MAGI2: variants seen among roughly 807,000 people sequenced by gnomAD.
MAGI2 encodes the protein membrane associated guanylate kinase, WW and PDZ domain containing 2.
MAGI2 carries 35 observed loss-of-function variants against 133.3 expected under a neutral mutation model. The ratio of observed to expected loss-of-function variants is 0.26; its 90% CI spans 0.20 to 0.35. The LOEUF is 0.35. Ranked by LOEUF, MAGI2 falls within the 10% of genes least tolerant of loss-of-function variation. The probability of loss-of-function intolerance (pLI) is 1.00; values close to 1 mark genes in which losing one functional copy is unlikely to be tolerated. For missense variants in MAGI2, 1,636 were observed against 1,863.4 expected (o/e 0.88, Z 2.25); for synonymous variants, 729 against 710.6 (o/e 1.03, Z -0.41).
intron 3 of MAGI2, among the ~76,000 whole-genome samples, chr7:78,538,290 G>GTC (rs1283865500): frequency 6.6e-6 from 1 of 152,152 alleles, no homozygotes; most frequent in East Asian, 1.9e-4. Flanking sequence ...TTTTTGCTTA[G>GTC]TCTCACTTTG....
At chr7:79,377,844 T>C (rs577923730) in intron 1 of MAGI2, among the ~76,000 whole-genome samples, 1 of 151,824 alleles carries the variant, frequency 6.6e-6, no homozygotes, top group African/African-American at 2.4e-5. Flanking sequence ...CTCATCAAAA[T>C]AATAGTATAT....
At chr7:78,570,417 A>C (rs1031785539) in intron 3 of MAGI2, among the ~76,000 whole-genome samples, 10 of 152,122 alleles carry the variant, frequency 6.6e-5, no homozygotes, top group Non-Finnish European at 2.9e-5. Context: ...TAATAAATGG[A>C]ATGAAGGAAG....
At chr7:79,148,032 C>T (rs1271751227) in intron 1 of MAGI2, among the ~76,000 whole-genome samples, 6 of 152,136 alleles carry the variant, frequency 3.9e-5, no homozygotes, top group Non-Finnish European at 7.3e-5. Flanking sequence ...CTGGAGCACA[C>T]GGAAGTGTTG....
intron 2 of MAGI2, among the ~76,000 whole-genome samples, chr7:78,897,599 G>T (rs527942287): frequency 6.6e-6 from 1 of 152,174 alleles, no homozygotes; most frequent in Non-Finnish European, 1.5e-5. Flanking sequence ...GCTTAGGATT[G>T]CCTTGGCTAT....
At chr7:78,783,618 T>A (rs375071954) in intron 2 of MAGI2, among the ~76,000 whole-genome samples, 1 of 152,182 alleles carries the variant, frequency 6.6e-6, no homozygotes, top group Non-Finnish European at 1.5e-5. Context: ...ATTTTCTCCA[T>A]TGGAAATCAA....
intron 6 of MAGI2, among the ~76,000 whole-genome samples, chr7:78,372,182 G>GA (rs1456986381): frequency 1.3e-5 from 2 of 151,968 alleles, no homozygotes; most frequent in Non-Finnish European, 2.9e-5. Context: ...GTATGCTAAT[G>GA]AAAAAACACA....
At chr7:79,013,187 C>T (rs1448207757) in intron 1 of MAGI2, among the ~76,000 whole-genome samples, 2 of 146,552 alleles carry the variant, frequency 1.4e-5, no homozygotes, top group Non-Finnish European at 3.0e-5. Flanking sequence ...AACAAGACAA[C>T]CAAATTATTT....
chr7:79,078,612 C>T (rs1243645283), intron 1 of MAGI2, among the ~76,000 whole-genome samples: 1 of 152,150 alleles, frequency 6.6e-6, no homozygotes, highest in Non-Finnish European at 1.5e-5. Flanking sequence ...AGTTACCTGA[C>T]ATTTATTTTA....
chr7:79,176,737 G>C (rs895347574), intron 1 of MAGI2, among the ~76,000 whole-genome samples: 1 of 151,996 alleles, frequency 6.6e-6, no homozygotes, highest in East Asian at 1.9e-4. Flanking sequence ...CTGAGTTTGG[G>C]AGAACTTGAC....
chr7:78,606,211 G>GT (rs1563233121), intron 3 of MAGI2, among the ~76,000 whole-genome samples: 2 of 152,006 alleles, frequency 1.3e-5, no homozygotes, highest in African/African-American at 2.4e-5. Context: ...ATTTTAGTTT[G>GT]TTTTTTTAAA....
At chr7:78,510,662 T>A (rs940827867) in intron 4 of MAGI2, among the ~76,000 whole-genome samples, 2 of 152,172 alleles carry the variant, frequency 1.3e-5, no homozygotes, top group Admixed American at 6.5e-5. Context: ...TAGAGACATG[T>A]AATGGGGTTA....
chr7:78,691,961 G>T (rs1407512393), intron 2 of MAGI2, among the ~76,000 whole-genome samples: 1 of 152,090 alleles, frequency 6.6e-6, no homozygotes, highest in Non-Finnish European at 1.5e-5. Context: ...TACCACTCCG[G>T]TGGGCATGTT....
At chr7:79,236,347 T>G (rs1831923254) in intron 1 of MAGI2, among the ~76,000 whole-genome samples, 1 of 152,232 alleles carries the variant, frequency 6.6e-6, no homozygotes, top group Non-Finnish European at 1.5e-5. Context: ...CCAGTTAGCC[T>G]GGGGTTCTGT....
intron 2 of MAGI2, among the ~76,000 whole-genome samples, 168 bp from the exon 3 acceptor site, chr7:78,627,407 G>A (rs563056769): frequency 7.2e-5 from 11 of 152,278 alleles, no homozygotes; most frequent in African/African-American, 2.4e-4. Context: ...ACAGCAGGGG[G>A]TAAAGATTAA....
chr7:79,077,687 T>A (rs539251575), intron 1 of MAGI2, among the ~76,000 whole-genome samples: 1 of 150,934 alleles, frequency 6.6e-6, no homozygotes, highest in African/African-American at 2.4e-5. Context: ...CAAAATTAGA[T>A]AATGGAAGTA....
chr7:78,735,604 T>C (rs1237321963), intron 2 of MAGI2, among the ~76,000 whole-genome samples: 2 of 152,212 alleles, frequency 1.3e-5, no homozygotes, highest in Non-Finnish European at 2.9e-5. Flanking sequence ...CACACTCTTA[T>C]AGAACAAATC....
chr7:79,184,315 TC>T, intron 1 of MAGI2, among the ~76,000 whole-genome samples: 1 of 151,586 alleles, frequency 6.6e-6, no homozygotes, highest in African/African-American at 2.4e-5. Flanking sequence ...CAATGTGTAG[TC>T]ACTGCACAGG....
At chr7:78,582,837 T>A (rs897933660) in intron 3 of MAGI2, among the ~76,000 whole-genome samples, 6 of 152,198 alleles carry the variant, frequency 3.9e-5, no homozygotes, top group African/African-American at 1.4e-4. Flanking sequence ...CCACCTTACC[T>A]GATTTAATAC....
Position 79,453,360 on chromosome 7 carries a change from G to A in MAGI2, c.-40C>T. The A allele has an allele frequency of 6.4e-7, 1 of 1,556,758 alleles. No homozygotes were observed. Among genetic ancestry groups the A allele is most frequent in the Non-Finnish European group, 8.7e-7 (1 of 1,153,224 alleles). ...TCGCCTCAGTTCCTGGGCTCCTTGG[G>A]GTTAGGGGGGCTGGTGGTGAGAGAA... On this transcript the variant is annotated 5_prime_UTR_variant, in exon 1 of 22. Coordinates refer to ENST00000354212, the MANE Select transcript of MAGI2 (RefSeq NM_012301.4).
Sources: gnomAD v4.1 joint callset for allele counts (sites outside exome capture counted in the v4.1 genomes callset) on GRCh38, gnomAD v4.1.1 for gene constraint, MANE v1.5 for transcripts, NCBI Gene and HGNC (gene_info 2026-07-23, HGNC 2026-07-21) for gene names.